Variants in RETREG1 observed in about 807,000 individuals in gnomAD.
RETREG1 encodes family with sequence similarity 134 member B.
RETREG1 carries 44 observed loss-of-function variants against 54.8 expected under a neutral mutation model. The ratio of observed to expected loss-of-function variants is 0.80; its 90% confidence interval spans 0.63 to 1.03. RETREG1 has a LOEUF of 1.03. RETREG1 is among the 50% of genes least tolerant of loss of function. The pLI is 0.00. For synonymous variants in RETREG1, 217 were observed against 238.5 expected (o/e 0.91, Z 0.83); for missense variants, 554 against 605.1 (o/e 0.92, Z 0.89).
In RETREG1 at chr5:16,494,290, T is replaced by C. The variant is rs568257976; in HGVS notation, c.459-10818A>G. 2.0e-5 allele frequency among the ~76,000 whole-genome samples: 3 copies of C among 152,296 alleles called. No individual in the cohort carries two copies. The East Asian group carries it at 5.8e-4, about 29-fold the overall frequency. ...CAACAGTATGCAGGGAAGATGGGTATGGGTATGAACCTGGGATTATAGATG... is the reference window on the plus strand; with the variant it reads ...CAACAGTATGCAGGGAAGATGGGTACGGGTATGAACCTGGGATTATAGATG... On this transcript the variant is annotated intron_variant, in intron 3 of 8. Transcript: ENST00000306320.
chr5:16,474,767 G>A lies in RETREG1; in HGVS notation c.1468C>T (p.Leu490Phe), dbSNP rs913968378. 5 of 1,611,980 alleles carry A rather than the reference G, an allele frequency of 3.1e-6. No homozygotes were observed. In the African/African-American group the frequency reaches 4.0e-5, roughly 13 times the overall value. ...TAATGGCCTCCCAGCAGATTTGAAA[G>A]GAAACCTGAAGACTTCTTATTTTGC... ...AQQNKKSSGF[L>F]SNLLGGH The change falls in exon 9 of 9, where the codon CTT becomes TTT. Residue 490 changes from leucine to phenylalanine, a missense_variant. By Grantham distance (22) the Leu-to-Phe change is conservative. Transcript: ENST00000306320.
At chr5:16,536,767 A>G (rs1313385552) in intron 3 of RETREG1, among the ~76,000 whole-genome samples, 1 of 152,240 alleles carries the variant, frequency 6.6e-6, no homozygotes, top group African/African-American at 2.4e-5. Context: ...CAATGGCGCC[A>G]AAGTCAACGG....
chr5:16,586,874 G>C (rs573769243), intron 1 of RETREG1, among the ~76,000 whole-genome samples: 20 of 152,308 alleles, frequency 1.3e-4, no homozygotes, highest in African/African-American at 4.8e-4. Context: ...AGCAGATTCA[G>C]TGTCTGGTGA....
intron 3 of RETREG1, among the ~76,000 whole-genome samples, chr5:16,490,164 G>C (rs1035390898): frequency 6.6e-6 from 1 of 152,030 alleles, no homozygotes; most frequent in Non-Finnish European, 1.5e-5. Context: ...TTGAGTTCTT[G>C]GGTCCTGTTG....
At chr5:16,477,856 A>G in intron 7 of RETREG1, 68 bp from the exon 8 acceptor site, 2 of 1,579,256 alleles carry the variant, frequency 1.3e-6, no homozygotes, top group Non-Finnish European at 1.7e-6. Flanking sequence ...TGAAAAATCC[A>G]TATGAACCCC....
intron 3 of RETREG1, among the ~76,000 whole-genome samples, chr5:16,515,503 A>G (rs574004086): frequency 6.6e-6 from 1 of 152,280 alleles, no homozygotes; most frequent in African/African-American, 2.4e-5. Flanking sequence ...ATACATAAAA[A>G]CACTAACACA....
chr5:16,548,240 C>T (rs1242704124), intron 3 of RETREG1, among the ~76,000 whole-genome samples: 3 of 152,124 alleles, frequency 2.0e-5, no homozygotes, highest in South Asian at 2.1e-4. Context: ...GTATTTTTCC[C>T]TTCTTGGCTT....
rs180775534 is a variant in RETREG1, at chr5:16,585,064, G to A, written c.321-12962C>T. ...AGAGGAGAGGAAAAGAGGGTGGTAGGTAATAGACTCCTTTCTCTAAAGAGA... is the reference window on the plus strand; with the variant it reads ...AGAGGAGAGGAAAAGAGGGTGGTAGATAATAGACTCCTTTCTCTAAAGAGA... On this transcript the variant is annotated intron_variant, in intron 1 of 8. Transcript: ENST00000306320. This position sits in a 1 kb window ranked among gnomAD's most constrained non-coding sequence, Gnocchi z 4.5. 2.3e-4 allele frequency among the ~76,000 whole-genome samples: 35 copies of A among 152,172 alleles called. No homozygotes were observed. Among genetic ancestry groups the A allele is most frequent in the African/African-American group, 8.4e-4 (35 of 41,520 alleles).
At chr5:16,477,064 T>G (rs1738568892) in intron 8 of RETREG1, among the ~76,000 whole-genome samples, 1 of 152,112 alleles carries the variant, frequency 6.6e-6, no homozygotes, top group Admixed American at 6.6e-5. Flanking sequence ...CGTCTATCTT[T>G]CTCTCCCACA....
At chr5:16,547,425 G>A (rs1741418680) in intron 3 of RETREG1, among the ~76,000 whole-genome samples, 1 of 152,138 alleles carries the variant, frequency 6.6e-6, no homozygotes, top group Admixed American at 6.5e-5. Flanking sequence ...TAAAACCTTT[G>A]GTACATTCCA....
intron 1 of RETREG1, among the ~76,000 whole-genome samples, chr5:16,573,695 G>A (rs1286741537): frequency 1.4e-5 from 1 of 69,052 alleles, no homozygotes; most frequent in Non-Finnish European, 3.1e-5. Flanking sequence ...CCAAAGCAGG[G>A]AATGGTTTTT....
At chr5:16,583,471 C>T (rs886872310) in intron 1 of RETREG1, among the ~76,000 whole-genome samples, 8 of 151,902 alleles carry the variant, frequency 5.3e-5, no homozygotes, top group Non-Finnish European at 8.8e-5. Context: ...CCAGCCTGGA[C>T]GATGGAGCGA....
In RETREG1 at chr5:16,525,772, G is replaced by GGA. The variant is rs1554019610; in HGVS notation, c.458+39989_458+39990dup. Among the ~76,000 whole-genome samples the GGA allele has an allele frequency of 7.3e-5, 11 of 151,402 alleles. No homozygotes were observed. The East Asian group carries it at 1.6e-3, about 22-fold the overall frequency. Reference sequence around the variant, plus strand: ...GCTGTGTATATATATACACAGAGAGGGAGAGAGAGATTGATTTTAAGGAAA... The same window carrying GGA: ...GCTGTGTATATATATACACAGAGAGGGAGAGAGAGAGATTGATTTTAAGGAAA... On this transcript the variant is annotated intron_variant, in intron 3 of 8. Coordinates refer to ENST00000306320, the MANE Select transcript of RETREG1 (RefSeq NM_001034850.3).
Position 16,596,384 on chromosome 5 carries a change from C to T in RETREG1, c.320+20268G>A, listed in dbSNP as rs375931599. Among the ~76,000 whole-genome samples the T allele has an allele frequency of 1.3e-3, 201 of 152,318 alleles. 1 individual carries two copies. The highest frequency in any genetic ancestry group is 4.5e-3 in the African/African-American group (186 of 41,570). On this transcript the variant is annotated intron_variant, in intron 1 of 8. Coordinates refer to ENST00000306320, the MANE Select transcript of RETREG1 (RefSeq NM_001034850.3). Reference sequence around the variant, plus strand: ...CAGAGGCACATTTCTTTCCCTGCTACGCAGACTGGCAAAACACATGCAAAA... The same window carrying T: ...CAGAGGCACATTTCTTTCCCTGCTATGCAGACTGGCAAAACACATGCAAAA...
intron 1 of RETREG1, among the ~76,000 whole-genome samples, chr5:16,596,256 C>T (rs1021176512): frequency 4.6e-5 from 7 of 152,194 alleles, no homozygotes; most frequent in African/African-American, 1.7e-4. Flanking sequence ...TAATTATCTT[C>T]CATGATGCGT....
rs939723515 is a variant in RETREG1 at position 16,474,424 on chromosome 5, G to A, written c.*317C>T. ...ACTGTAAAGAAAAAGAATATTTATAGGAGGATTTTAATAGTTTGGTTTTTG... is the reference window on the plus strand; with the variant it reads ...ACTGTAAAGAAAAAGAATATTTATAAGAGGATTTTAATAGTTTGGTTTTTG... On this transcript the variant is annotated 3_prime_UTR_variant, in exon 9 of 9. Coordinates refer to ENST00000306320, the MANE Select transcript of RETREG1 (RefSeq NM_001034850.3). 3 of 260,958 alleles carry A rather than the reference G, an allele frequency of 1.1e-5. No individual in the cohort carries two copies. The highest frequency in any genetic ancestry group is 2.2e-5 in the Non-Finnish European group (3 of 136,966). The allele number at this position is 260,958 out of a possible 1,614,324, so 16.2% of individuals were successfully genotyped here. A position where few individuals can be genotyped will look rare whatever the true frequency, so the allele number is the denominator to read the frequency against.
rs184390188 is a variant in RETREG1 at position 16,548,890 on chromosome 5, A to G, written c.458+16873T>C. ...ATCTGTTATTTAAGCCACCCAATCT[A>G]TGGTATTCTGTTACGGCTGCCTGAG... On this transcript the variant is annotated intron_variant, in intron 3 of 8. Transcript: ENST00000306320. 4.0e-4 allele frequency among the ~76,000 whole-genome samples: 61 copies of G among 152,348 alleles called. No individual in the cohort carries two copies. In the East Asian group the frequency reaches 4.4e-3, roughly 11 times the overall value.
chr5:16,536,484 A>G (rs1166065069), intron 3 of RETREG1, among the ~76,000 whole-genome samples: 1 of 152,178 alleles, frequency 6.6e-6, no homozygotes, highest in Non-Finnish European at 1.5e-5. Context: ...CCAAGCAGGA[A>G]TCGCCAGCCT....
chr5:16,583,434 A>G (rs913587214), intron 1 of RETREG1, among the ~76,000 whole-genome samples: 1 of 152,122 alleles, frequency 6.6e-6, no homozygotes, highest in Non-Finnish European at 1.5e-5. Flanking sequence ...TGGACGTTGC[A>G]GTGAGTGAAG....
Sources: allele counts gnomAD v4.1 joint callset (sites outside exome capture counted in the v4.1 genomes callset), GRCh38; gene constraint gnomAD v4.1.1; non-coding constraint Gnocchi (gnomAD v3.1); transcripts MANE v1.5; gene names NCBI Gene and HGNC (gene_info 2026-07-23, HGNC 2026-07-21).